Variants in RGS6 observed in about 807,000 individuals in gnomAD.
The protein encoded by RGS6 is regulator of G-protein signaling 6.
RGS6 carries 30 observed loss-of-function variants against 78.5 expected under a neutral mutation model. The observed-to-expected ratio is 0.38, with a 90% CI of 0.29 to 0.52. RGS6 has a LOEUF of 0.52. Among genes scored for constraint, RGS6 ranks in the 20% least tolerant of loss-of-function variants. RGS6 has a pLI of 0.85. For missense variants in RGS6, 495 were observed against 609.7 expected (o/e 0.81, Z 1.98); for synonymous variants, 206 against 206.0 (o/e 1.00, Z 0.00).
chr14:72,215,765 T>G (rs1278288893), intron 2 of RGS6, among the ~76,000 whole-genome samples: 1 of 152,218 alleles, frequency 6.6e-6, no homozygotes, highest in Non-Finnish European at 1.5e-5. Context: ...TGGACCAGTG[T>G]AAGCATGCCA....
intron 2 of RGS6, among the ~76,000 whole-genome samples, chr14:72,075,183 T>C (rs914525139): frequency 6.6e-6 from 1 of 152,184 alleles, no homozygotes; most frequent in African/African-American, 2.4e-5. Flanking sequence ...ATTAGGCATA[T>C]TATCATTAGA....
the RGS6 span, among the ~76,000 whole-genome samples, chr14:72,603,161 A>T: frequency 6.6e-6 from 1 of 152,186 alleles, no homozygotes; most frequent in Non-Finnish European, 1.5e-5. Flanking sequence ...AAACATGGAG[A>T]TCATTTTCAT....
chr14:72,132,891 G>A (rs1455631052), intron 2 of RGS6, among the ~76,000 whole-genome samples: 1 of 149,334 alleles, frequency 6.7e-6, no homozygotes, highest in East Asian at 2.0e-4. Context: ...GCAATGTTTT[G>A]TTCGTAGGGA....
At chr14:72,220,998 G>A (rs1180212322) in intron 2 of RGS6, among the ~76,000 whole-genome samples, 1 of 152,126 alleles carries the variant, frequency 6.6e-6, no homozygotes. Flanking sequence ...CTTATCCTCT[G>A]AAGGACACAA....
chr14:71,989,610 G>T (rs1163555555), intron 2 of RGS6, among the ~76,000 whole-genome samples: 2 of 152,220 alleles, frequency 1.3e-5, no homozygotes, highest in African/African-American at 4.8e-5. Flanking sequence ...CCAGCTTTTA[G>T]TGGCAGAGCC....
At chr14:72,226,707 T>C (rs2048201807) in intron 2 of RGS6, among the ~76,000 whole-genome samples, 1 of 152,228 alleles carries the variant, frequency 6.6e-6, no homozygotes, top group South Asian at 2.1e-4. Context: ...TATTGATTGA[T>C]TGCTTGATTG....
chr14:71,912,703 T>G, the RGS6 span, among the ~76,000 whole-genome samples: 1 of 152,228 alleles, frequency 6.6e-6, no homozygotes, highest in African/African-American at 2.4e-5. Flanking sequence ...CCACTCCAAC[T>G]GGACAGAGGA....
intron 2 of RGS6, among the ~76,000 whole-genome samples, chr14:72,255,252 G>C (rs1327791566): frequency 6.6e-6 from 1 of 152,204 alleles, no homozygotes; most frequent in African/African-American, 2.4e-5. Flanking sequence ...CCTGGCCCCA[G>C]GGTGATGAGG....
chr14:72,018,208 T>TA (rs779787870), intron 2 of RGS6, among the ~76,000 whole-genome samples: 21 of 114,956 alleles, frequency 1.8e-4, no homozygotes, highest in African/African-American at 5.3e-4. Context: ...GTTTTGTTAT[T>TA]AAAAAAAATC....
intron 2 of RGS6, among the ~76,000 whole-genome samples, chr14:72,326,167 A>T (rs1048567396): frequency 2.0e-5 from 3 of 152,216 alleles, no homozygotes; most frequent in African/African-American, 7.2e-5. Flanking sequence ...ATGCTGGCCA[A>T]TATACATTCA....
intron 2 of RGS6, among the ~76,000 whole-genome samples, chr14:72,229,782 C>T (rs188593385): frequency 1.7e-4 from 26 of 152,336 alleles, no homozygotes; most frequent in Admixed American, 1.6e-3. Flanking sequence ...AAGATTCTCT[C>T]TCCCTTGCAC....
At chr14:72,072,469 G>A (rs1012848222) in intron 2 of RGS6, among the ~76,000 whole-genome samples, 2 of 152,010 alleles carry the variant, frequency 1.3e-5, no homozygotes, top group Admixed American at 6.6e-5. Flanking sequence ...CACCATGCCC[G>A]GCTAATTTTT....
the RGS6 span, among the ~76,000 whole-genome samples, chr14:72,623,077 A>G: frequency 3.3e-5 from 5 of 152,254 alleles, no homozygotes; most frequent in Non-Finnish European, 7.3e-5. Flanking sequence ...GAGAAAACAT[A>G]TATACTTGTT....
intron 2 of RGS6, among the ~76,000 whole-genome samples, chr14:72,296,531 G>A (rs2064858111): frequency 6.6e-6 from 1 of 152,054 alleles, no homozygotes; most frequent in South Asian, 2.1e-4. Flanking sequence ...ATTCTATTTG[G>A]TGTGTTTCTC....
At chr14:72,560,797 C>CGTGTGTGTGTGTGTGTGTGTGTGT (rs57504072) in intron 17 of RGS6, among the ~76,000 whole-genome samples, 1 of 141,224 alleles carries the variant, frequency 7.1e-6, no homozygotes, top group Non-Finnish European at 1.6e-5. Flanking sequence ...ATTTTGTGGA[C>CGTGTGTGTGTGTGTGTGTGTGTGT]GTGTGTGTGT....
chr14:72,518,054 C>A (rs1396072542), intron 14 of RGS6, among the ~76,000 whole-genome samples: 3 of 152,188 alleles, frequency 2.0e-5, no homozygotes, highest in African/African-American at 7.2e-5. Flanking sequence ...AATTATCCAG[C>A]CTGAAGTGGC....
intron 3 of RGS6, among the ~76,000 whole-genome samples, chr14:72,426,755 G>T (rs1442640479): frequency 6.6e-6 from 1 of 152,188 alleles, no homozygotes; most frequent in Non-Finnish European, 1.5e-5. Flanking sequence ...GGGTGGCATG[G>T]GTTAGCAAGA....
chr14:72,532,026 T>C (rs894214011), intron 15 of RGS6, among the ~76,000 whole-genome samples: 2 of 152,218 alleles, frequency 1.3e-5, no homozygotes, highest in African/African-American at 4.8e-5. Flanking sequence ...TTGTCTTAGA[T>C]TCCATATACA....
intron 1 of RGS6, among the ~76,000 whole-genome samples, chr14:71,935,427 A>G (rs1048298609): frequency 6.6e-6 from 1 of 152,244 alleles, no homozygotes; most frequent in African/African-American, 2.4e-5. Context: ...TTTTATAAAT[A>G]TAAAATATAG....
Sources: gnomAD v4.1 joint callset for allele counts (sites outside exome capture counted in the v4.1 genomes callset) on GRCh38, gnomAD v4.1.1 for gene constraint, MANE v1.5 for transcripts, NCBI Gene and HGNC (gene_info 2026-07-23, HGNC 2026-07-21) for gene names.